The following ZNF536 variants were observed in gnomAD, a reference collection of about 807,000 sequenced individuals.
ZNF536 encodes zinc finger protein 536.
ZNF536 carries 13 observed loss-of-function variants against 84.5 expected under a neutral mutation model. The ratio of observed to expected loss-of-function variants is 0.15; its 90% CI spans 0.10 to 0.24. The LOEUF is 0.24. ZNF536 is among the 10% of genes least tolerant of loss of function. The probability of loss-of-function intolerance (pLI) is 1.00; values close to 1 mark genes in which losing one functional copy is unlikely to be tolerated. For synonymous variants in ZNF536, 811 were observed against 742.5 expected (o/e 1.09, Z -1.50); for missense variants, 1,536 against 1,747.5 (o/e 0.88, Z 2.16).
chr19:30,278,994 C>T (rs1295791583), intron 1 of ZNF536, among the ~76,000 whole-genome samples: 1 of 152,176 alleles, frequency 6.6e-6, no homozygotes, highest in Non-Finnish European at 1.5e-5. Flanking sequence ...CTATCCATAC[C>T]CAGGCCGCAG....
rs573743097 is a variant in ZNF536, at chr19:30,491,860, A to G, written c.2171-42987A>G. Among the ~76,000 whole-genome samples, 384 of 151,998 alleles carry G rather than the reference A, an allele frequency of 2.5e-3. 2 individuals carry two copies. The South Asian group carries it at 0.025, about 10-fold the overall frequency. ...CTTTTTTTTTTTTAAGTGTTCCTCA[A>G]AGATATACAAGACGTTACTCCTGAT... On this transcript the variant is annotated intron_variant, in intron 2 of 4. Coordinates refer to ENST00000355537, the MANE Select transcript of ZNF536 (RefSeq NM_014717.3).
At chr19:30,534,751 TTGA>T in intron 2 of ZNF536, 93 bp from the exon 3 acceptor site, 2 of 1,311,798 alleles carry the variant, frequency 1.5e-6, no homozygotes, top group Non-Finnish European at 2.1e-6. Context: ...AGGTGTAGTA[TTGA>T]CATGTTTAAC....
chr19:30,286,163 A>C (rs1441134906), intron 2 of ZNF536, among the ~76,000 whole-genome samples: 2 of 152,234 alleles, frequency 1.3e-5, no homozygotes, highest in Non-Finnish European at 2.9e-5. Context: ...AATCACGCTC[A>C]TGATTGATAA....
intron 1 of ZNF536, among the ~76,000 whole-genome samples, chr19:30,594,185 G>A (rs2047368758): frequency 6.6e-6 from 1 of 152,186 alleles, no homozygotes; most frequent in African/African-American, 2.4e-5. Flanking sequence ...ACTTGCCCTG[G>A]ACCTCATCTT....
intron 1 of ZNF536, among the ~76,000 whole-genome samples, chr19:30,642,726 G>T (rs1440329343): frequency 6.6e-6 from 1 of 152,182 alleles, no homozygotes; most frequent in Non-Finnish European, 1.5e-5. Flanking sequence ...GCTGCAGACC[G>T]GTTGTCCAGA....
At chr19:30,492,273 A>G (rs1240064150) in intron 2 of ZNF536, among the ~76,000 whole-genome samples, 1 of 152,116 alleles carries the variant, frequency 6.6e-6, no homozygotes, top group Non-Finnish European at 1.5e-5. Flanking sequence ...TTGCGTTTTT[A>G]TTATATGAGA....
At chr19:30,494,088 C>A (rs1599577035) in intron 2 of ZNF536, among the ~76,000 whole-genome samples, 1 of 152,080 alleles carries the variant, frequency 6.6e-6, no homozygotes, top group East Asian at 1.9e-4. Context: ...AATAAAACTT[C>A]CTTAAAAAAA....
intron 2 of ZNF536, among the ~76,000 whole-genome samples, chr19:30,530,921 G>A (rs1468908726): frequency 2.6e-5 from 4 of 152,188 alleles, no homozygotes; most frequent in African/African-American, 9.6e-5. Context: ...ATCCTCACCA[G>A]CACCCATCCT....
intron 3 of ZNF536, among the ~76,000 whole-genome samples, chr19:30,359,890 A>G (rs1021280710): frequency 2.0e-5 from 3 of 152,060 alleles, no homozygotes; most frequent in Non-Finnish European, 4.4e-5. Context: ...GCCTACACTG[A>G]CCCTGGGACA....
At chr19:30,544,566 C>A (rs1239802460) in intron 3 of ZNF536, among the ~76,000 whole-genome samples, 2 of 152,148 alleles carry the variant, frequency 1.3e-5, no homozygotes, top group Non-Finnish European at 2.9e-5. Context: ...TGCGTGAACT[C>A]TGCTAGCCTG....
chr19:30,526,479 C>A, intron 2 of ZNF536, among the ~76,000 whole-genome samples: 1 of 149,714 alleles, frequency 6.7e-6, no homozygotes, highest in East Asian at 1.9e-4. Flanking sequence ...AATCCCAGCA[C>A]TTTGGGAGGC....
At chr19:30,369,667 G>C (rs1358386593), upstream of ZNF536, among the ~76,000 whole-genome samples, 1 of 152,180 alleles carries the variant, frequency 6.6e-6, no homozygotes, top group Non-Finnish European at 1.5e-5. Flanking sequence ...AGATAAGCAG[G>C]TTCTCCTCTG....
At chr19:30,324,469 A>G (rs776761243) in intron 2 of ZNF536, among the ~76,000 whole-genome samples, 3 of 151,944 alleles carry the variant, frequency 2.0e-5, no homozygotes, top group Non-Finnish European at 4.4e-5. Flanking sequence ...TGCAGTCTTG[A>G]CCTCCCAGGC....
intron 1 of ZNF536, among the ~76,000 whole-genome samples, chr19:30,615,236 C>T (rs1323230794): frequency 3.3e-5 from 5 of 150,428 alleles, no homozygotes; most frequent in Non-Finnish European, 5.9e-5. Flanking sequence ...TGAGCCACCG[C>T]GCCCGGCCTC....
At chr19:30,378,893 A>G (rs1290116175) in intron 1 of ZNF536, among the ~76,000 whole-genome samples, 2 of 152,174 alleles carry the variant, frequency 1.3e-5, no homozygotes, top group Non-Finnish European at 2.9e-5. Flanking sequence ...ACGCTGTGCC[A>G]GTGCTGGAGG....
chr19:30,592,437 T>C (rs1330981127), intron 1 of ZNF536, among the ~76,000 whole-genome samples: 1 of 152,196 alleles, frequency 6.6e-6, no homozygotes, highest in Non-Finnish European at 1.5e-5. Flanking sequence ...TGTGGGTGTC[T>C]GGATACAAAG....
At chr19:30,349,664 C>T (rs2047868323) in intron 2 of ZNF536, among the ~76,000 whole-genome samples, 1 of 151,960 alleles carries the variant, frequency 6.6e-6, no homozygotes, top group Admixed American at 6.6e-5. Flanking sequence ...GGGGTCTGTG[C>T]TTTATCCACC....
chr19:30,549,301 G>T lies in ZNF536; in HGVS notation c.3682G>T (p.Ala1228Ser), dbSNP rs563418287. The T allele has an allele frequency of 1.9e-6, 3 of 1,613,104 alleles. No individual in the cohort carries two copies. The Admixed American group carries it at 5.0e-5, about 27-fold the overall frequency. Residue 1228 changes from alanine to serine, a missense_variant, in exon 4 of 5, where the codon GCA becomes TCA. Around this residue, in one of 8 missense-constraint regions of ZNF536, gnomAD observed 624 missense variants for 603.1 expected, o/e 1.03. Coordinates refer to ENST00000355537, the MANE Select transcript of ZNF536 (RefSeq NM_014717.3). ...VQGLVSPLSQAPEKQWHSQGL... is the reference protein window; with the variant it reads ...VQGLVSPLSQSPEKQWHSQGL... ...GGGACTGGTCTCACCTTTATCCCAA[G>T]CACCGGAGAAGCAGTGGCACAGCCA... is the stretch of plus-strand genomic sequence containing the variant.
intron 4 of ZNF536, among the ~76,000 whole-genome samples, chr19:30,552,995 C>T (rs1194541159): frequency 6.6e-6 from 1 of 152,198 alleles, no homozygotes; most frequent in African/African-American, 2.4e-5. Flanking sequence ...TAGGAAATCC[C>T]ACTCCAATCA....
Sources: gnomAD v4.1 joint callset for allele counts (sites outside exome capture counted in the v4.1 genomes callset) on GRCh38, gnomAD v4.1.1 for gene constraint, gnomAD v4.1.1 regional missense constraint, MANE v1.5 for transcripts, NCBI Gene and HGNC (gene_info 2026-07-23, HGNC 2026-07-21) for gene names.